INSRR: variants seen among roughly 807,000 people sequenced by gnomAD.
INSRR encodes the protein insulin receptor-related protein.
A neutral mutation model predicts 130.0 loss-of-function variants in INSRR; 114 were observed. The observed-to-expected ratio is 0.88, with a 90% confidence interval of 0.75 to 1.02. The LOEUF (loss-of-function observed/expected upper bound fraction) is 1.02. Ranked by LOEUF, INSRR falls within the 50% of genes least tolerant of loss-of-function variation. The probability of loss-of-function intolerance (pLI) is 0.00; values close to 1 mark genes in which losing one functional copy is unlikely to be tolerated. For missense variants in INSRR, 1,657 were observed against 1,735.2 expected (o/e 0.95, Z 0.80); for synonymous variants, 674 against 705.2 (o/e 0.96, Z 0.70).
chr1:156,840,330 G>A lies in INSRR; in HGVS notation c.*543C>T. 6.2e-6 allele frequency: 1 copy of A among 161,924 alleles called. No individual in the cohort carries two copies. The highest frequency in any genetic ancestry group is 1.4e-5 in the Non-Finnish European group (1 of 73,930). The allele number at this position is 161,924 out of a possible 1,614,324, so 10.0% of individuals were successfully genotyped here. On this transcript the variant is annotated 3_prime_UTR_variant, in exon 22 of 22. Coordinates refer to ENST00000368195, the MANE Select transcript of INSRR (RefSeq NM_014215.3). ...GGAGGAGGTGAGGGCGGGCAGGCTG[G>A]GAACCACTCCCCAGGCCCCTGGGTT...
rs2102857146 is a variant in INSRR at position 156,844,766 on chromosome 1, G to A, written c.2515C>T (p.Pro839Ser). The change falls in exon 13 of 22, where the codon CCA becomes TCA. Residue 839 changes from proline to serine, a missense_variant. Physicochemically the swap from Pro to Ser is moderately conservative, Grantham distance 74. Transcript: ENST00000368195. The stretch of plus-strand genomic sequence containing the variant: ...AGGATGAGTCCGTTGGGGTCTGGTG[G>A]CTCGAGCCAGCGCAGAAGGACACTG... ...KNSVLLRWLE[P>S]PDPNGLILKY... 1.9e-6 allele frequency: 3 copies of A among 1,614,146 alleles called. No homozygotes were observed. The highest frequency in any genetic ancestry group is 2.5e-6 in the Non-Finnish European group (3 of 1,180,040).
chr1:156,853,141 C>T (rs1039740904), intron 2 of INSRR, among the ~76,000 whole-genome samples: 1 of 152,132 alleles, frequency 6.6e-6, no homozygotes, highest in Admixed American at 6.5e-5. Context: ...TCTTTGCTCT[C>T]ACCTGTTCAG....
In INSRR at chr1:156,858,664, G is replaced by A; in HGVS notation, c.-43C>T. 1 of 1,548,236 alleles carries A rather than the reference G, an allele frequency of 6.5e-7. No homozygotes were observed. The highest frequency in any genetic ancestry group is 8.9e-7 in the Non-Finnish European group (1 of 1,120,066). The stretch of plus-strand genomic sequence containing the variant: ...GTGTCCAGTCCCGGCTCTCCTCCCG[G>A]TGACTCTGGGGAGAACGGTGTGATA... On this transcript the variant is annotated 5_prime_UTR_variant, in exon 1 of 22. Coordinates refer to ENST00000368195, the MANE Select transcript of INSRR (RefSeq NM_014215.3).
rs1304304242 is a variant in INSRR, at chr1:156,840,594, C to T, written c.*279G>A. 6.1e-6 allele frequency: 3 copies of T among 492,958 alleles called. No individual in the cohort carries two copies. The highest frequency in any genetic ancestry group is 5.8e-5 in the African/African-American group (3 of 51,696). 30.5% of individuals were successfully genotyped at this position (492,958 alleles called of 1,614,324 possible). ...CCCCTCTTCCTAGTCTGAGTGGGGTCCCTACCTCTGAGGGCAGGACATCTC... is the reference window on the plus strand; with the variant it reads ...CCCCTCTTCCTAGTCTGAGTGGGGTTCCTACCTCTGAGGGCAGGACATCTC... On this transcript the variant is annotated 3_prime_UTR_variant, in exon 22 of 22. Transcript: ENST00000368195.
In INSRR at chr1:156,852,135, C is replaced by A. The variant is rs140347940; in HGVS notation, c.694G>T (p.Glu232Ter). ...CTARGECCHTECLGGCSQPED... is the reference protein window; with the variant it reads ...CTARGECCHT ...GGCTGGCTGCAGCCCCCCAGGCATT[C>A]GGTGTGGCAGCACTCGCCCCTCGCT... Residue 232 changes from glutamate (E) to a stop codon, truncating the protein, a stop_gained, in exon 3 of 22, where the codon GAA becomes TAA. Coordinates refer to ENST00000368195, the MANE Select transcript of INSRR (RefSeq NM_014215.3). LOFTEE classifies it high-confidence loss of function. 6.2e-7 allele frequency: 1 copy of A among 1,613,070 alleles called. No homozygotes were observed. The highest frequency in any genetic ancestry group is 1.3e-5 in the African/African-American group (1 of 75,074).
intron 19 of INSRR, 112 bp from the exon 20 acceptor site, chr1:156,841,906 C>T: frequency 6.3e-7 from 1 of 1,584,742 alleles, no homozygotes; most frequent in Non-Finnish European, 8.7e-7. Flanking sequence ...CACCAAGAAC[C>T]CTGGAAAGTA....
rs1558087175 is a variant in INSRR, at chr1:156,846,732, CGTGCTCT to C, written c.1590_1596del (p.Glu531TrpfsTer20). 6.2e-7 allele frequency: 1 copy of C among 1,614,084 alleles called. No homozygotes were observed. The highest frequency in any genetic ancestry group is 1.1e-5 in the South Asian group (1 of 91,084). On this transcript the variant is annotated frameshift_variant, in exon 8 of 22. Transcript: ENST00000368195. LOFTEE classifies it high-confidence loss of function. ...TGGGTTCCACAAGCATCTGGACCCA[CGTGCTCT>C]GTGGCGTTCTGGAATGGGCTGAACA...
At chr1:156,849,164 C>T in intron 6 of INSRR, 82 bp downstream of exon 6, 1 of 1,600,316 alleles carries the variant, frequency 6.2e-7, no homozygotes, top group Non-Finnish European at 8.5e-7. Context: ...TCAGAGTGTC[C>T]CCCTCGAGCT....
chr1:156,845,468 T>G (rs370308700), intron 10 of INSRR, 55 bp from the exon 11 acceptor site: 216 of 1,518,954 alleles, frequency 1.4e-4, no homozygotes, highest in Non-Finnish European at 1.8e-4. Context: ...CCCTGTGCCC[T>G]CTGCAGCGCG....
At chr1:156,849,512 G>A (rs1332078112) in intron 5 of INSRR, 52 bp from the exon 6 acceptor site, 1 of 1,114,964 alleles carries the variant, frequency 9.0e-7, no homozygotes. Flanking sequence ...GCAGGGGGTG[G>A]GAAAGGGGAT....
At position 156,842,257 on chromosome 1, in the gene INSRR, G is replaced by C. The variant is rs1654825767; in HGVS notation, c.3252C>G (p.Leu1084=). The C allele has an allele frequency of 1.9e-6, 3 of 1,613,846 alleles. No individual in the cohort carries two copies. The highest frequency in any genetic ancestry group is 2.5e-6 in the Non-Finnish European group (3 of 1,179,970). The stretch of plus-strand genomic sequence containing the variant: ...TCATTTCCCCCAATGCTGGCTGTGG[G>C]AGCCCAGGGTTGTTCTAGAGCCAAG... ...LRPEAENNPG[L]PQPALGEMIQ... is the part of the protein sequence containing the mutation. Residue 1084 remains leucine, a synonymous_variant, in exon 19 of 22, where the codon CTC becomes CTG. Transcript: ENST00000368195.
chr1:156,846,645 G>T lies in INSRR; in HGVS notation c.1684C>A (p.Leu562Ile), dbSNP rs753699478. 4 of 1,613,924 alleles carry T rather than the reference G, an allele frequency of 2.5e-6. No individual in the cohort carries two copies. In the South Asian group the frequency reaches 4.4e-5, roughly 18 times the overall value. The change falls in exon 8 of 22, where the codon CTA becomes ATA. Residue 562 changes from leucine to isoleucine, a missense_variant. By Grantham distance (5) the Leu-to-Ile change is conservative. Coordinates refer to ENST00000368195, the MANE Select transcript of INSRR (RefSeq NM_014215.3). ...LSRTQEPGVT[L>I]ASLKPWTQYA... ...TGTGTCCAAGGCTTGAGGGAGGCTAGGGTCACCCCTGGCTCCTGGGTGCGG... is the reference window on the plus strand; with the variant it reads ...TGTGTCCAAGGCTTGAGGGAGGCTATGGTCACCCCTGGCTCCTGGGTGCGG...
chr1:156,843,499 G>A lies in INSRR; in HGVS notation c.2844-20C>T, dbSNP rs748165091. 3 of 1,613,694 alleles carry A rather than the reference G, an allele frequency of 1.9e-6. No homozygotes were observed. The highest frequency in any genetic ancestry group is 1.7e-6 in the Non-Finnish European group (2 of 1,179,616). On this transcript the variant is annotated intron_variant, in intron 15 of 21. Coordinates refer to ENST00000368195, the MANE Select transcript of INSRR (RefSeq NM_014215.3). ...CTGTTTCTGCAACGGGAGGTGAGGG[G>A]GTCAGGCTGGAAGGGTTCTCAGGAA...
rs1654994903 is a variant in INSRR at position 156,846,026 on chromosome 1, A to G, written c.1904T>C (p.Leu635Pro). The G allele has an allele frequency of 1.2e-6, 2 of 1,613,944 alleles. No individual in the cohort carries two copies. The highest frequency in any genetic ancestry group is 1.7e-5 in the Admixed American group (1 of 59,980). The change falls in exon 9 of 22, where the codon CTC becomes CCC. Residue 635 changes from leucine to proline, a missense_variant. By Grantham distance (98) the Leu-to-Pro change is moderately conservative. Transcript: ENST00000368195. ...CTGCCACAGCACCAGGTAGTAGGTG[A>G]GGTTCCCATTGCGCTGGGTCGGTGG... ...WKPPTQRNGN[L>P]TYYLVLWQRL... is the part of the protein sequence containing the mutation.
In INSRR at chr1:156,845,256, G is replaced by A. The variant is rs1654950376; in HGVS notation, c.2257C>T (p.Leu753=). The change falls in exon 12 of 22, where the codon CTG becomes TTG. Residue 753 remains leucine (L), a synonymous_variant. Transcript: ENST00000368195. The stretch of plus-strand genomic sequence containing the variant: ...TCGAAATCCGAGCTGTTGCCCCCCA[G>A]CCGGAGGGGCCCAGCTGCCCGGCGG... The part of the protein sequence containing the change: ...RHRRAAGPLR[L]GGNSSDFEIQ... The A allele has an allele frequency of 1.2e-6, 2 of 1,611,682 alleles. No homozygotes were observed. The highest frequency in any genetic ancestry group is 1.7e-6 in the Non-Finnish European group (2 of 1,179,034).
At position 156,858,795 on chromosome 1, in the gene INSRR, G is replaced by C; in HGVS notation, c.-174C>G. ...CAGCAGGAGACAGAAAAAAAGAAAT[G>C]AGAGTCACAGAGACACAAAGACAGT... On this transcript the variant is annotated 5_prime_UTR_variant, in exon 1 of 22. Coordinates refer to ENST00000368195, the MANE Select transcript of INSRR (RefSeq NM_014215.3). The C allele has an allele frequency of 1.6e-6, 1 of 614,458 alleles. No homozygotes were observed. The allele number at this position is 614,458 out of a possible 1,614,324, so 38.1% of individuals were successfully genotyped here.
Position 156,841,778 on chromosome 1 carries a change from C to A in INSRR, c.3414G>T (p.Arg1138=), listed in dbSNP as rs188025222. ...TVKIGDFGMT[R]DVYETDYYRK... ...GGTAATAGTCTGTCTCATACACGTC[C>A]CGAGTCATCCCGAAGTCTGGAAAGT... Residue 1138 remains arginine (R), a synonymous_variant, in exon 20 of 22, where the codon CGG becomes CGT. Transcript: ENST00000368195. The A allele has an allele frequency of 3.5e-5, 57 of 1,614,114 alleles. No individual in the cohort carries two copies. The East Asian group carries it at 1.2e-3, about 35-fold the overall frequency.
intron 2 of INSRR, among the ~76,000 whole-genome samples, chr1:156,852,997 T>G (rs1655279730): frequency 6.6e-6 from 1 of 152,176 alleles, no homozygotes; most frequent in Admixed American, 6.5e-5. Context: ...GCTCCCCACC[T>G]CTGAAAGGTT....
chr1:156,842,651 T>TAACAATGACCCTGACCCTAACCC (rs1487319310), intron 17 of INSRR, 143 bp from the exon 18 acceptor site: 1 of 649,834 alleles, frequency 1.5e-6, no homozygotes, highest in African/African-American at 1.8e-5. Flanking sequence ...ACTCCTGACC[T>TAACAATGACCCTGACCCTAACCC]AACAATGACC....
Sources: allele counts gnomAD v4.1 joint callset (sites outside exome capture counted in the v4.1 genomes callset), GRCh38; gene constraint gnomAD v4.1.1; transcripts MANE v1.5; gene names NCBI Gene and HGNC (gene_info 2026-07-23, HGNC 2026-07-21).